Variants in SMYD3 observed in about 807,000 individuals in gnomAD.
The protein encoded by SMYD3 is SET and MYND domain containing 3.
A neutral mutation model predicts 57.7 loss-of-function variants in SMYD3; 36 were observed. The ratio of observed to expected loss-of-function variants is 0.62; its 90% CI spans 0.48 to 0.82. The LOEUF (loss-of-function observed/expected upper bound fraction) is 0.82. SMYD3 is among the 40% of genes least tolerant of loss of function. The probability of loss-of-function intolerance (pLI) is 0.00; values close to 1 mark genes in which losing one functional copy is unlikely to be tolerated. For synonymous variants in SMYD3, 211 were observed against 195.0 expected, an observed-to-expected ratio of 1.08 and a Z score of -0.68; for missense variants, 515 against 538.8, an observed-to-expected ratio of 0.96 and a Z score of 0.44.
At chr1:246,013,094 G>A (rs1036250200) in intron 5 of SMYD3, among the ~76,000 whole-genome samples, 46 of 152,210 alleles carry the variant, frequency 3.0e-4, no homozygotes, top group Non-Finnish European at 5.9e-4. Flanking sequence ...GGGTTTTTGT[G>A]TGAGCTTTAA....
At chr1:246,418,316 T>C (rs1158850461) in intron 1 of SMYD3, among the ~76,000 whole-genome samples, 18 of 152,216 alleles carry the variant, frequency 1.2e-4, no homozygotes, top group Admixed American at 1.2e-3. Context: ...CTTGTCCCCC[T>C]CTGCCACAGA....
At chr1:245,909,959 G>A (rs1408382355) in intron 8 of SMYD3, among the ~76,000 whole-genome samples, 2 of 152,068 alleles carry the variant, frequency 1.3e-5, no homozygotes, top group African/African-American at 4.8e-5. Context: ...GGAATTCCTA[G>A]CCAGAGCAAT....
intron 5 of SMYD3, among the ~76,000 whole-genome samples, chr1:246,181,099 C>G (rs1042366216): frequency 6.6e-6 from 1 of 152,154 alleles, no homozygotes; most frequent in Non-Finnish European, 1.5e-5. Flanking sequence ...AGGAACCATG[C>G]GCCTCTGGGA....
intron 11 of SMYD3, among the ~76,000 whole-genome samples, chr1:245,760,494 C>T (rs1406487141): frequency 6.6e-6 from 1 of 152,178 alleles, no homozygotes; most frequent in African/African-American, 2.4e-5. Flanking sequence ...CATCCCTCTG[C>T]TAGCAAATGC....
At chr1:246,222,365 A>G (rs1046853068) in intron 5 of SMYD3, among the ~76,000 whole-genome samples, 9 of 152,184 alleles carry the variant, frequency 5.9e-5, no homozygotes, top group African/African-American at 1.7e-4. Flanking sequence ...AGAGAGATCC[A>G]TATTACAGAA....
chr1:246,217,343 C>T (rs578091466), intron 5 of SMYD3, among the ~76,000 whole-genome samples: 1 of 152,048 alleles, frequency 6.6e-6, no homozygotes, highest in East Asian at 1.9e-4. Flanking sequence ...GTAGGGAGAC[C>T]CTGTCTCTAC....
intron 1 of SMYD3, among the ~76,000 whole-genome samples, chr1:246,357,710 C>CA (rs1197390999): frequency 6.6e-6 from 1 of 152,096 alleles, no homozygotes; most frequent in Non-Finnish European, 1.5e-5. Flanking sequence ...TTGTATGCAG[C>CA]AAAACTAAGC....
intron 5 of SMYD3, among the ~76,000 whole-genome samples, chr1:246,020,079 A>T (rs2059446064): frequency 6.6e-6 from 1 of 152,182 alleles, no homozygotes; most frequent in Non-Finnish European, 1.5e-5. Context: ...AGCCTCCTCT[A>T]CCCAATCAAA....
intron 11 of SMYD3, among the ~76,000 whole-genome samples, chr1:245,756,936 A>G (rs1174318125): frequency 6.6e-6 from 1 of 152,032 alleles, no homozygotes; most frequent in Non-Finnish European, 1.5e-5. Context: ...CCAAATTTGC[A>G]AAGTTTTCCA....
At chr1:246,300,764 T>G (rs1167775402) in intron 5 of SMYD3, among the ~76,000 whole-genome samples, 1 of 152,120 alleles carries the variant, frequency 6.6e-6, no homozygotes, top group Non-Finnish European at 1.5e-5. Context: ...AGATTTAAAA[T>G]ATAATATATG....
chr1:246,024,086 T>C (rs1055437149), intron 5 of SMYD3, among the ~76,000 whole-genome samples: 1 of 152,158 alleles, frequency 6.6e-6, no homozygotes, highest in Non-Finnish European at 1.5e-5. Context: ...GAGGTCAAAT[T>C]GAGATGAAAA....
At position 245,866,894 on chromosome 1, in the gene SMYD3, G is replaced by A. The variant is rs533374358; in HGVS notation, c.814-3008C>T. 2.4e-4 allele frequency among the ~76,000 whole-genome samples: 37 copies of A among 152,258 alleles called. No homozygotes were observed. In the East Asian group the frequency reaches 3.1e-3, roughly 13 times the overall value. On this transcript the variant is annotated intron_variant, in intron 8 of 11. Transcript: ENST00000490107. ...TCACCCATTAGACCTTAACAATCAT[G>A]GTCATTCCTGATTGAATGTTCCAGT...
chr1:246,100,980 C>A (rs1379327933), intron 5 of SMYD3, among the ~76,000 whole-genome samples: 1 of 149,552 alleles, frequency 6.7e-6, no homozygotes, highest in Non-Finnish European at 1.5e-5. Context: ...AAGAAATGAT[C>A]AAGTTTCAGT....
At chr1:246,078,134 T>G (rs917692015) in intron 5 of SMYD3, among the ~76,000 whole-genome samples, 1 of 152,088 alleles carries the variant, frequency 6.6e-6, no homozygotes, top group Non-Finnish European at 1.5e-5. Context: ...TCTGAAGCAT[T>G]CAAAAATTTC....
At chr1:246,109,311 A>AT (rs944947015) in intron 5 of SMYD3, among the ~76,000 whole-genome samples, 35 of 152,152 alleles carry the variant, frequency 2.3e-4, no homozygotes, top group South Asian at 4.2e-4. Flanking sequence ...CTCACATACA[A>AT]TTTTTTTTAT....
At chr1:246,247,559 T>C (rs2063729675) in intron 5 of SMYD3, among the ~76,000 whole-genome samples, 1 of 151,300 alleles carries the variant, frequency 6.6e-6, no homozygotes, top group Non-Finnish European at 1.5e-5. Context: ...ATATCTCTTG[T>C]GCGTGGGAAA....
At chr1:245,832,017 C>G (rs1572464395) in intron 10 of SMYD3, among the ~76,000 whole-genome samples, 1 of 152,154 alleles carries the variant, frequency 6.6e-6, no homozygotes, top group Admixed American at 6.6e-5. Context: ...GGAGGGGAGG[C>G]CTTTGCCAAC....
intron 10 of SMYD3, among the ~76,000 whole-genome samples, chr1:245,840,775 T>A (rs1572486079): frequency 6.7e-6 from 1 of 149,256 alleles, no homozygotes; most frequent in Non-Finnish European, 1.5e-5. Context: ...AAGTTGCAGC[T>A]AAGGAGCAGG....
At chr1:246,319,196 G>T (rs1257453727) in intron 5 of SMYD3, among the ~76,000 whole-genome samples, 1 of 152,190 alleles carries the variant, frequency 6.6e-6, no homozygotes, top group Non-Finnish European at 1.5e-5. Context: ...GGATCTGCAT[G>T]CAGTTAAGCA....
Sources: gnomAD v4.1 joint callset for allele counts (sites outside exome capture counted in the v4.1 genomes callset) on GRCh38, gnomAD v4.1.1 for gene constraint, MANE v1.5 for transcripts, NCBI Gene and HGNC (gene_info 2026-07-23, HGNC 2026-07-21) for gene names.